The following USPL1 variants were observed in gnomAD, a reference collection of about 807,000 sequenced individuals.
USPL1 encodes the protein SUMO-specific isopeptidase USPL1.
A neutral mutation model predicts 51.5 loss-of-function variants in USPL1; 27 were observed. That is an observed-to-expected ratio of 0.52 (90% CI 0.39 to 0.72). The LOEUF (loss-of-function observed/expected upper bound fraction) is 0.72, where lower values mean the gene tolerates loss of function less well. Ranked by LOEUF, USPL1 falls within the 30% of genes least tolerant of loss-of-function variation. The pLI is 0.00. For synonymous variants in USPL1, 451 were observed against 459.6 expected (o/e 0.98, Z 0.24); for missense variants, 1,226 against 1,268.0 (o/e 0.97, Z 0.50).
Position 30,641,415 on chromosome 13 carries a change from T to C in USPL1, c.983-1213T>C, listed in dbSNP as rs143643549. On this transcript the variant is annotated intron_variant, in intron 5 of 8. Coordinates refer to ENST00000255304, the MANE Select transcript of USPL1 (RefSeq NM_005800.5). ...TGGAAGGTGACTGTTCCTGGCCATG[T>C]TCCAGGCAACTGTAGTTCCAGGCTA... Among the ~76,000 whole-genome samples, 3 of 151,702 alleles carry C rather than the reference T, an allele frequency of 2.0e-5. No homozygotes were observed. The East Asian group carries it at 5.8e-4, about 29-fold the overall frequency.
chr13:30,630,953 C>A lies in USPL1; in HGVS notation c.347C>A (p.Ser116Ter), dbSNP rs778799316. ...RKSLESSYKD[S>*]LLLANSKKTR... is the part of the protein sequence containing the mutation. ...AGCTTAGAAAGCAGCTATAAGGATT[C>A]ACTTCTTTTAGCAAATTCCAAAAAG... Residue 116 changes from serine to a stop codon, truncating the protein, a stop_gained, in exon 4 of 9, where the codon TCA becomes TAA. Coordinates refer to ENST00000255304, the MANE Select transcript of USPL1 (RefSeq NM_005800.5). LOFTEE classifies it high-confidence loss of function. The A allele has an allele frequency of 6.2e-7, 1 of 1,614,058 alleles. No homozygotes were observed. The highest frequency in any genetic ancestry group is 8.5e-7 in the Non-Finnish European group (1 of 1,180,018).
chr13:30,633,700 G>A (rs1003905473), intron 4 of USPL1, among the ~76,000 whole-genome samples: 13 of 150,338 alleles, frequency 8.6e-5, no homozygotes, highest in South Asian at 2.1e-4. Context: ...TTGAACCCAG[G>A]AGGTGGAAGT....
intron 4 of USPL1, among the ~76,000 whole-genome samples, chr13:30,632,406 ATTTTTT>A (rs60539080): frequency 2.4e-5 from 2 of 83,672 alleles, no homozygotes; most frequent in Non-Finnish European, 4.4e-5. Context: ...TGCTATTGTG[ATTTTTT>A]TTTTTTTTTT....
intron 8 of USPL1, among the ~76,000 whole-genome samples, chr13:30,656,898 T>G (rs1014368146): frequency 1.3e-5 from 2 of 152,066 alleles, no homozygotes; most frequent in Admixed American, 1.3e-4. Context: ...AAGGAATGGT[T>G]TAAACAGGTT....
chr13:30,641,102 G>A (rs149293174), intron 5 of USPL1, among the ~76,000 whole-genome samples: 3,628 of 152,300 alleles, frequency 0.024, 59 homozygotes, highest in Middle Eastern at 0.037. Context: ...CCAGTAGACA[G>A]ATCTAGCATT....
chr13:30,638,267 G>A (rs1950902223), intron 5 of USPL1, among the ~76,000 whole-genome samples: 1 of 152,168 alleles, frequency 6.6e-6, no homozygotes, highest in South Asian at 2.1e-4. Flanking sequence ...CAGGAAATCA[G>A]TAATTTTTAG....
Position 30,631,242 on chromosome 13 carries a change from G to A in USPL1, c.636G>A (p.Met212Ile), listed in dbSNP as rs1296826485. Reference protein sequence around the residue: ...QNEGCTSKLEMPLESKCTSFP... With the variant: ...QNEGCTSKLEIPLESKCTSFP... ...AAGGATGTACATCTAAACTGGAAAT[G>A]CCACTGGAGAGCAAATGTACATCAT... The change falls in exon 4 of 9, where the codon ATG becomes ATA. Residue 212 changes from methionine (M) to isoleucine (I), a missense_variant. Physicochemically the swap from Met to Ile is conservative, Grantham distance 10 (BLOSUM62 1). Transcript: ENST00000255304. 1 of 1,614,160 alleles carries A rather than the reference G, an allele frequency of 6.2e-7. No homozygotes were observed. The highest frequency in any genetic ancestry group is 1.3e-5 in the African/African-American group (1 of 75,026).
At position 30,658,493 on chromosome 13, in the gene USPL1, C is replaced by G. The variant is rs764254171; in HGVS notation, c.2416C>G (p.Gln806Glu). 1.2e-6 allele frequency: 2 copies of G among 1,613,852 alleles called. No individual in the cohort carries two copies. The highest frequency in any genetic ancestry group is 1.7e-6 in the Non-Finnish European group (2 of 1,180,016). ...TGGCTTTAAAACTAAAGGTATAAAC[C>G]AGAAGGCCAGCCACGTATCCAAGAA... Reference protein sequence around the residue: ...FGGFKTKGINQKASHVSKKAR... With the variant: ...FGGFKTKGINEKASHVSKKAR... The change falls in exon 9 of 9, where the codon CAG becomes GAG. Residue 806 changes from glutamine (Q) to glutamate (E), a missense_variant. By Grantham distance (29) the Gln-to-Glu change is conservative. Coordinates refer to ENST00000255304, the MANE Select transcript of USPL1 (RefSeq NM_005800.5).
chr13:30,634,939 G>A (rs1950855782), intron 4 of USPL1, among the ~76,000 whole-genome samples: 1 of 152,126 alleles, frequency 6.6e-6, no homozygotes, highest in Non-Finnish European at 1.5e-5. Context: ...TTTTGAAGAG[G>A]TTGTCGGCTC....
intron 8 of USPL1, 146 bp downstream of exon 8, chr13:30,653,451 C>A: frequency 1.3e-6 from 1 of 751,814 alleles, no homozygotes; most frequent in Non-Finnish European, 2.0e-6. Context: ...CCTTCTGCCC[C>A]TCCTCGCATC....
chr13:30,642,805 A>G (rs1168387784), intron 6 of USPL1, 48 bp downstream of exon 6: 1 of 1,587,370 alleles, frequency 6.3e-7, no homozygotes, highest in East Asian at 2.2e-5. Context: ...TTTCTCCACC[A>G]CTAAGGTTAA....
In USPL1 at chr13:30,642,634, T is replaced by C. The variant is rs1387739317; in HGVS notation, c.989T>C (p.Met330Thr). The C allele has an allele frequency of 1.2e-6, 2 of 1,608,074 alleles. No homozygotes were observed. Among genetic ancestry groups the C allele is most frequent in the South Asian group, 1.1e-5 (1 of 90,152 alleles). The change falls in exon 6 of 9, where the codon ATG becomes ACG. Residue 330 changes from methionine to threonine, a missense_variant. Met to Thr is a moderately conservative substitution (Grantham distance 81, BLOSUM62 -1). Coordinates refer to ENST00000255304, the MANE Select transcript of USPL1 (RefSeq NM_005800.5). ...QPQLRCTLGD[M>T]ESPVFAFPLL... ...CTTCCTTTTCTTTTTGAAGGTGATA[T>C]GGAAAGCCCTGTGTTTGCATTTCCC...
chr13:30,643,270 C>T (rs1458676255), intron 6 of USPL1, among the ~76,000 whole-genome samples: 4 of 152,124 alleles, frequency 2.6e-5, no homozygotes, highest in Admixed American at 6.5e-5. Flanking sequence ...AGGCCATGAT[C>T]GATGTACCTG....
chr13:30,659,529 C>A lies in USPL1; in HGVS notation c.*173C>A. Reference sequence around the variant, plus strand: ...CATGAAGCATGTAATCTTTCTTACACATTAAAATCACTGAATGTGTTCTCC... The same window carrying A: ...CATGAAGCATGTAATCTTTCTTACAAATTAAAATCACTGAATGTGTTCTCC... On this transcript the variant is annotated 3_prime_UTR_variant, in exon 9 of 9. Coordinates refer to ENST00000255304, the MANE Select transcript of USPL1 (RefSeq NM_005800.5). The A allele has an allele frequency of 1.8e-6, 1 of 546,682 alleles. No individual in the cohort carries two copies. 33.9% of individuals were successfully genotyped at this position (546,682 alleles called of 1,614,324 possible). A position where few individuals can be genotyped will look rare whatever the true frequency, so the allele number is the denominator to read the frequency against.
At chr13:30,634,951 A>G (rs1950856292) in intron 4 of USPL1, among the ~76,000 whole-genome samples, 1 of 152,098 alleles carries the variant, frequency 6.6e-6, no homozygotes, top group South Asian at 2.1e-4. Context: ...TGTCGGCTCT[A>G]TGTGTATATA....
intron 5 of USPL1, among the ~76,000 whole-genome samples, chr13:30,639,165 G>A (rs1201090698): frequency 6.6e-6 from 1 of 151,302 alleles, no homozygotes; most frequent in Non-Finnish European, 1.5e-5. Flanking sequence ...GCAGTGAGCT[G>A]AGATCACGCC....
At chr13:30,627,017 A>G (rs900869266) in intron 3 of USPL1, among the ~76,000 whole-genome samples, 5 of 152,118 alleles carry the variant, frequency 3.3e-5, no homozygotes, top group African/African-American at 1.2e-4. Context: ...GTATAAGAAG[A>G]CATGGTATGT....
rs916816436 is a variant in USPL1 at position 30,659,413 on chromosome 13, A to G, written c.*57A>G. The G allele has an allele frequency of 8.1e-5, 113 of 1,391,078 alleles. 1 individual carries two copies. The highest frequency in any genetic ancestry group is 2.5e-4 in the South Asian group (16 of 64,934). 86.2% of individuals were successfully genotyped at this position (1,391,078 alleles called of 1,614,324 possible). ...TTTATTATTATTAGAAGAACTTACAATGTGTTCAGGTAGTGTTTATACACT... is the reference window on the plus strand; with the variant it reads ...TTTATTATTATTAGAAGAACTTACAGTGTGTTCAGGTAGTGTTTATACACT... On this transcript the variant is annotated 3_prime_UTR_variant, in exon 9 of 9. Coordinates refer to ENST00000255304, the MANE Select transcript of USPL1 (RefSeq NM_005800.5).
Position 30,658,465 on chromosome 13 carries a change from T to C in USPL1, c.2388T>C (p.Phe796=). 3.1e-6 allele frequency: 5 copies of C among 1,613,838 alleles called. No homozygotes were observed. Among genetic ancestry groups the C allele is most frequent in the Non-Finnish European group, 4.2e-6 (5 of 1,180,036 alleles). Residue 796 remains phenylalanine (F), a synonymous_variant, in exon 9 of 9, where the codon TTT becomes TTC. Coordinates refer to ENST00000255304, the MANE Select transcript of USPL1 (RefSeq NM_005800.5). ...CTTCAGTTAAAGGGGTAAATAATTT[T>C]GGTGGCTTTAAAACTAAAGGTATAA... is the stretch of plus-strand genomic sequence containing the variant. The part of the protein sequence containing the change: ...LQPSVKGVNN[F]GGFKTKGINQ...
Sources: gnomAD v4.1 joint callset for allele counts (sites outside exome capture counted in the v4.1 genomes callset) on GRCh38, gnomAD v4.1.1 for gene constraint, MANE v1.5 for transcripts, NCBI Gene and HGNC (gene_info 2026-07-23, HGNC 2026-07-21) for gene names.